The following VAT1L variants were observed in gnomAD, a reference collection of about 807,000 sequenced individuals.
VAT1L encodes the protein putative NADPH-dependent quinone oxidoreductase VAT1L.
A neutral mutation model predicts 44.1 loss-of-function variants in VAT1L; 34 were observed. The ratio of observed to expected loss-of-function variants is 0.77; its 90% confidence interval spans 0.59 to 1.03. The LOEUF is 1.03. VAT1L is among the 50% of genes least tolerant of loss of function. VAT1L has a pLI of 0.00. For synonymous variants in VAT1L, 253 were observed against 202.2 expected (o/e 1.25, Z -2.13); for missense variants, 615 against 538.8 (o/e 1.14, Z -1.40).
chr16:77,862,734 T>A lies in VAT1L; in HGVS notation c.580-14T>A, dbSNP rs770523026. On this transcript the variant is annotated splice_polypyrimidine_tract_variant and intron_variant, in intron 3 of 8. Transcript: ENST00000302536. ...GCTCCTATGTGTGACATAGCTATTG[T>A]CTTTTCCTTCCAGGGTCAAGCTGTG... The A allele has an allele frequency of 9.9e-6, 16 of 1,612,350 alleles. No homozygotes were observed. The highest frequency in any genetic ancestry group is 1.3e-5 in the African/African-American group (1 of 74,808).
intron 1 of VAT1L, among the ~76,000 whole-genome samples, chr16:77,790,938 C>T (rs190873300): frequency 1.1e-4 from 17 of 152,232 alleles, no homozygotes; most frequent in South Asian, 8.3e-4. Context: ...TCTTCAGTGG[C>T]GCTACACACA....
chr16:77,940,401 C>T (rs969364563), intron 7 of VAT1L, among the ~76,000 whole-genome samples: 3 of 139,412 alleles, frequency 2.2e-5, no homozygotes, highest in Admixed American at 1.6e-4. Flanking sequence ...TGAATTGCAG[C>T]GGCACAGTCT....
rs2017123110 is a variant in VAT1L, at chr16:77,879,272, C to T, written c.882+48C>T. 3 of 1,572,118 alleles carry T rather than the reference C, an allele frequency of 1.9e-6. No homozygotes were observed. Among genetic ancestry groups the T allele is most frequent in the East Asian group, 2.2e-5 (1 of 44,658 alleles). On this transcript the variant is annotated intron_variant, in intron 6 of 8. Coordinates refer to ENST00000302536, the MANE Select transcript of VAT1L (RefSeq NM_020927.3). The surrounding 1 kb of genome is among the most constrained non-coding windows in gnomAD (Gnocchi z 4.1). The stretch of plus-strand genomic sequence containing the variant: ...TGTACTGTGGTGGCATGTTGATTCA[C>T]ATGTTGAGAGCTTTGTTTTTGTTTG...
intron 4 of VAT1L, among the ~76,000 whole-genome samples, chr16:77,871,135 G>C (rs1597076175): frequency 6.6e-6 from 1 of 152,132 alleles, no homozygotes; most frequent in Non-Finnish European, 1.5e-5. Context: ...GGAATGGTTT[G>C]ACAGAAAGAG....
chr16:77,862,623 TAAAAA>T (rs34096024), intron 3 of VAT1L, 120 bp from the exon 4 acceptor site: 659 of 394,786 alleles, frequency 1.7e-3, no homozygotes, highest in Non-Finnish European at 1.9e-3. Context: ...ACTCCATCTC[TAAAAA>T]AAAAAAAAAA....
At position 77,825,227 on chromosome 16, in the gene VAT1L, T is replaced by A. The variant is rs751146907; in HGVS notation, c.364-19T>A. On this transcript the variant is annotated intron_variant, in intron 2 of 8. Transcript: ENST00000302536. ...GTCATGAGGTAGCCTCCACTAACTC[T>A]GTGTTTCCCCATGCCCAGATTGGAG... 3 of 1,613,574 alleles carry A rather than the reference T, an allele frequency of 1.9e-6. No individual in the cohort carries two copies. In the African/African-American group the frequency reaches 4.0e-5, roughly 22 times the overall value.
chr16:77,928,975 C>T (rs1332050390), intron 7 of VAT1L, among the ~76,000 whole-genome samples: 6 of 152,078 alleles, frequency 3.9e-5, no homozygotes, highest in Middle Eastern at 3.4e-3. Context: ...CACCATGCCC[C>T]GGTAAAAGTT....
intron 7 of VAT1L, among the ~76,000 whole-genome samples, chr16:77,915,260 T>C (rs753268249): frequency 2.0e-5 from 3 of 152,216 alleles, no homozygotes; most frequent in Non-Finnish European, 4.4e-5. Flanking sequence ...GTAAAGAGTA[T>C]TGTATATTTT....
intron 7 of VAT1L, among the ~76,000 whole-genome samples, chr16:77,943,984 C>T (rs1212778799): frequency 1.3e-5 from 2 of 152,168 alleles, no homozygotes; most frequent in African/African-American, 4.8e-5. Context: ...GGCTACAGAC[C>T]TGGCTCCCCT....
chr16:77,839,244 G>A (rs999554836), intron 3 of VAT1L, among the ~76,000 whole-genome samples: 10 of 151,944 alleles, frequency 6.6e-5, no homozygotes, highest in Admixed American at 2.0e-4. Context: ...TTAAGAATGG[G>A]CAACAACACG....
intron 4 of VAT1L, among the ~76,000 whole-genome samples, chr16:77,875,596 G>C (rs1236386454): frequency 6.6e-6 from 1 of 152,140 alleles, no homozygotes; most frequent in Non-Finnish European, 1.5e-5. Flanking sequence ...ACATGCATTA[G>C]TGAGTGAGTG....
intron 2 of VAT1L, among the ~76,000 whole-genome samples, chr16:77,818,665 T>A (rs1272689982): frequency 1.3e-5 from 2 of 152,228 alleles, no homozygotes; most frequent in Non-Finnish European, 2.9e-5. Flanking sequence ...TTATGTATAT[T>A]TTTCCTTTCA....
intron 7 of VAT1L, among the ~76,000 whole-genome samples, chr16:77,916,379 C>T (rs962310583): frequency 6.6e-6 from 1 of 152,154 alleles, no homozygotes; most frequent in African/African-American, 2.4e-5. Context: ...ACCTGAGCCA[C>T]GAAGTAGCTG....
At chr16:77,802,960 C>T (rs566302758) in intron 1 of VAT1L, among the ~76,000 whole-genome samples, 17 of 152,234 alleles carry the variant, frequency 1.1e-4, no homozygotes, top group African/African-American at 3.4e-4. Context: ...ACAGCAGGGC[C>T]GGCAGCCCAG....
At chr16:77,887,324 G>A (rs974300763) in intron 7 of VAT1L, among the ~76,000 whole-genome samples, 2 of 152,162 alleles carry the variant, frequency 1.3e-5, no homozygotes, top group Non-Finnish European at 2.9e-5. Flanking sequence ...GAGTCAGGAG[G>A]TACCACATCC....
At chr16:77,850,010 C>G (rs2016793008) in intron 3 of VAT1L, among the ~76,000 whole-genome samples, 1 of 152,190 alleles carries the variant, frequency 6.6e-6, no homozygotes, top group Non-Finnish European at 1.5e-5. Flanking sequence ...GGCTCCTGTT[C>G]CTGTTGAGAG....
chr16:77,804,561 A>G (rs1412539181), intron 1 of VAT1L, among the ~76,000 whole-genome samples: 2 of 152,208 alleles, frequency 1.3e-5, no homozygotes, highest in Admixed American at 1.3e-4. Flanking sequence ...GTACAACTGT[A>G]TCCCAAGCTA....
chr16:77,922,371 G>A (rs1273368368), intron 7 of VAT1L, among the ~76,000 whole-genome samples: 1 of 152,200 alleles, frequency 6.6e-6, no homozygotes, highest in East Asian at 1.9e-4. Context: ...CAAGGCAGCA[G>A]AGTCACACAC....
At chr16:77,914,532 G>A (rs2017531769) in intron 7 of VAT1L, among the ~76,000 whole-genome samples, 2 of 152,072 alleles carry the variant, frequency 1.3e-5, no homozygotes, top group Non-Finnish European at 1.5e-5. Flanking sequence ...GGAAAAAAAT[G>A]TAAATAACGC....
Sources: gnomAD v4.1 joint callset for allele counts (sites outside exome capture counted in the v4.1 genomes callset) on GRCh38, gnomAD v4.1.1 for gene constraint, Gnocchi (gnomAD v3.1) non-coding constraint, MANE v1.5 for transcripts, NCBI Gene and HGNC (gene_info 2026-07-23, HGNC 2026-07-21) for gene names.